The following SGK1 variants were observed in gnomAD, a reference collection of about 807,000 sequenced individuals.
SGK1 encodes serine/threonine-protein kinase Sgk1.
A neutral mutation model predicts 64.2 loss-of-function variants in SGK1; 26 were observed. The observed-to-expected ratio is 0.40, with a 90% CI of 0.30 to 0.56. The LOEUF (loss-of-function observed/expected upper bound fraction) is 0.56. Among genes scored for constraint, SGK1 ranks in the 20% least tolerant of loss-of-function variants. SGK1 has a pLI of 0.38. For synonymous variants in SGK1, 265 were observed against 239.7 expected (o/e 1.11, Z -0.98); for missense variants, 519 against 645.6 (o/e 0.80, Z 2.12).
At chr6:134,172,555 G>A in intron 9 of SGK1, 107 bp downstream of exon 9, 4 of 865,164 alleles carry the variant, frequency 4.6e-6, no homozygotes, top group Admixed American at 2.4e-5. Context: ...CTGGTTTTAG[G>A]CAACCAAGTT....
At chr6:134,286,149 G>A (rs982158283) in intron 1 of SGK1, among the ~76,000 whole-genome samples, 1 of 152,170 alleles carries the variant, frequency 6.6e-6, no homozygotes, top group Non-Finnish European at 1.5e-5. Context: ...AGGTGGTGGA[G>A]GTTTAGTATG....
Position 134,170,812 on chromosome 6 carries a change from A to T in SGK1, c.1413+14T>A, listed in dbSNP as rs1774991553. The T allele has an allele frequency of 6.6e-7, 1 of 1,521,572 alleles. No individual in the cohort carries two copies. Among genetic ancestry groups the T allele is most frequent in the Non-Finnish European group, 9.1e-7 (1 of 1,097,620 alleles). 94.3% of individuals were successfully genotyped at this position (1,521,572 alleles called of 1,614,324 possible). ...TTGGGCTTCTCTATACTTAGAAGAG[A>T]GACAGATACTCACCACATTTGGGTT... On this transcript the variant is annotated intron_variant, in intron 13 of 13. Coordinates refer to ENST00000367858, the MANE Select transcript of SGK1 (RefSeq NM_001143676.3).
intron 2 of SGK1, among the ~76,000 whole-genome samples, chr6:134,238,546 GAA>G (rs1002213935): frequency 6.6e-6 from 1 of 151,084 alleles, no homozygotes; most frequent in African/African-American, 2.4e-5. Context: ...TGGAACTAAA[GAA>G]TATTAATTCT....
At chr6:134,205,427 T>C (rs928081196) in intron 3 of SGK1, among the ~76,000 whole-genome samples, 14 of 151,206 alleles carry the variant, frequency 9.3e-5, no homozygotes, top group South Asian at 2.1e-4. Flanking sequence ...GTCTGGTCTT[T>C]GAAAAAAAAA....
intron 3 of SGK1, among the ~76,000 whole-genome samples, chr6:134,178,257 G>A (rs562528474): frequency 3.3e-5 from 5 of 152,216 alleles, no homozygotes; most frequent in African/African-American, 1.2e-4. Flanking sequence ...GGAGACGGAT[G>A]GTCGGCTAAA....
intron 2 of SGK1, among the ~76,000 whole-genome samples, chr6:134,221,919 C>T (rs1418921996): frequency 6.6e-6 from 1 of 152,114 alleles, no homozygotes; most frequent in Admixed American, 6.5e-5. Flanking sequence ...TCCCAAAGTG[C>T]TAGGATTACA....
At chr6:134,309,569 A>T (rs1777582101) in intron 1 of SGK1, among the ~76,000 whole-genome samples, 1 of 152,032 alleles carries the variant, frequency 6.6e-6, no homozygotes, top group Non-Finnish European at 1.5e-5. Context: ...AGTGAGGTCC[A>T]GAACCACCTG....
At chr6:134,175,514 G>T in intron 3 of SGK1, 3 of 1,457,508 alleles carry the variant, frequency 2.1e-6, no homozygotes, top group Admixed American at 2.4e-5. Flanking sequence ...AGTGAGCCAA[G>T]CCCCCAGCGG....
chr6:134,282,088 C>T (rs1777102782), intron 1 of SGK1, among the ~76,000 whole-genome samples: 2 of 152,104 alleles, frequency 1.3e-5, no homozygotes, highest in South Asian at 2.1e-4. Flanking sequence ...GCATTGAGGC[C>T]AGAAAAACAG....
intron 2 of SGK1, among the ~76,000 whole-genome samples, chr6:134,242,068 C>G (rs1041769753): frequency 1.3e-5 from 2 of 152,164 alleles, no homozygotes; most frequent in Non-Finnish European, 2.9e-5. Context: ...AAGTGAGAAA[C>G]AAGATAGGCC....
intron 4 of SGK1, 151 bp downstream of exon 4, chr6:134,174,360 A>G: frequency 1.6e-6 from 1 of 635,944 alleles, no homozygotes; most frequent in Non-Finnish European, 2.7e-6. Flanking sequence ...TTTAATGTTT[A>G]AAATGTGTCA....
intron 4 of SGK1, 78 bp from the exon 5 acceptor site, chr6:134,174,158 C>A: frequency 1.0e-6 from 1 of 970,746 alleles, no homozygotes; most frequent in South Asian, 1.4e-5. Flanking sequence ...GAGTTTCTGG[C>A]TCTACCGACT....
intron 2 of SGK1, among the ~76,000 whole-genome samples, chr6:134,221,875 T>C (rs918965991): frequency 9.9e-5 from 15 of 152,092 alleles, no homozygotes; most frequent in Non-Finnish European, 1.9e-4. Flanking sequence ...TTGGTCTCAA[T>C]CTCCTGGCCT....
At chr6:134,300,212 A>G (rs1777426725) in intron 1 of SGK1, among the ~76,000 whole-genome samples, 1 of 152,056 alleles carries the variant, frequency 6.6e-6, no homozygotes, top group African/African-American at 2.4e-5. Context: ...GAAGATGGGG[A>G]GAGATGAGTT....
chr6:134,209,745 C>T (rs775042388), intron 2 of SGK1, among the ~76,000 whole-genome samples: 13 of 152,110 alleles, frequency 8.5e-5, no homozygotes, highest in Admixed American at 3.3e-4. Context: ...GGTGTCATCT[C>T]GGCTCACTGC....
chr6:134,222,396 C>T (rs923511947), intron 2 of SGK1, among the ~76,000 whole-genome samples: 2 of 150,136 alleles, frequency 1.3e-5, no homozygotes, highest in South Asian at 2.1e-4. Context: ...AGTGCAATGG[C>T]GCAATCTCAG....
At chr6:134,232,473 A>AAGAGAG (rs766770696) in intron 2 of SGK1, among the ~76,000 whole-genome samples, 2 of 96,104 alleles carry the variant, frequency 2.1e-5, no homozygotes, top group Non-Finnish European at 4.0e-5. Flanking sequence ...GAAAGAAAGA[A>AAGAGAG]AGAAAGAAAG....
chr6:134,262,394 T>C (rs1029361748), intron 1 of SGK1, among the ~76,000 whole-genome samples: 4 of 152,046 alleles, frequency 2.6e-5, no homozygotes, highest in African/African-American at 7.2e-5. Context: ...TTTTTTCACA[T>C]TATTTTTTTC....
intron 11 of SGK1, 112 bp from the exon 12 acceptor site, chr6:134,171,290 C>T: frequency 1.0e-6 from 1 of 963,716 alleles, no homozygotes. Flanking sequence ...ATTTGAGAAA[C>T]TCTCCCCACC....
Sources: allele counts gnomAD v4.1 joint callset (sites outside exome capture counted in the v4.1 genomes callset), GRCh38; gene constraint gnomAD v4.1.1; transcripts MANE v1.5; gene names NCBI Gene and HGNC (gene_info 2026-07-23, HGNC 2026-07-21).